GNAL: variants seen among roughly 807,000 people sequenced by gnomAD.
GNAL encodes the protein G protein subunit alpha L.
A neutral mutation model predicts 55.1 loss-of-function variants in GNAL; 18 were observed. The ratio of observed to expected loss-of-function variants is 0.33; its 90% CI spans 0.23 to 0.48. The LOEUF (loss-of-function observed/expected upper bound fraction) is 0.48. GNAL is among the 20% of genes least tolerant of loss of function. GNAL has a pLI of 0.99. For synonymous variants in GNAL, 253 were observed against 237.0 expected, an observed-to-expected ratio of 1.07 and a Z score of -0.62; for missense variants, 412 against 614.1, an observed-to-expected ratio of 0.67 and a Z score of 3.48.
At chr18:11,821,360 T>A (rs1360433660) in intron 4 of GNAL, among the ~76,000 whole-genome samples, 1 of 152,200 alleles carries the variant, frequency 6.6e-6, no homozygotes, top group Non-Finnish European at 1.5e-5. Flanking sequence ...GGCAGTGGAA[T>A]AAGATATTCT....
chr18:11,751,738 G>T lies in GNAL; in HGVS notation c.377-1115G>T. On this transcript the variant is annotated intron_variant, in intron 1 of 11. Coordinates refer to ENST00000334049, the MANE Select transcript of GNAL (RefSeq NM_182978.4). This position sits in a 1 kb window ranked among gnomAD's most constrained non-coding sequence, Gnocchi z 4.5. ...GCCCCAGCCGGCCGGGCTCCGTGGG[G>T]GGTCAGCTCCCTGACCCCTACAGCG... The T allele has an allele frequency of 1.2e-6, 1 of 843,464 alleles. No individual in the cohort carries two copies. Among genetic ancestry groups the T allele is most frequent in the Non-Finnish European group, 1.4e-6 (1 of 700,034 alleles). 52.2% of individuals were successfully genotyped at this position (843,464 alleles called of 1,614,324 possible). A position where few individuals can be genotyped will look rare whatever the true frequency, so the allele number is the denominator to read the frequency against.
intron 4 of GNAL, among the ~76,000 whole-genome samples, chr18:11,784,583 A>C (rs1188841257): frequency 3.9e-5 from 6 of 152,214 alleles, no homozygotes; most frequent in Non-Finnish European, 8.8e-5. Flanking sequence ...TGTTCTTTTC[A>C]TTTTATTTTC....
chr18:11,766,179 C>G (rs1293217916), intron 4 of GNAL, among the ~76,000 whole-genome samples: 1 of 152,154 alleles, frequency 6.6e-6, no homozygotes, highest in African/African-American at 2.4e-5. Context: ...TGAAGTTGTT[C>G]TTGAGGAAGG....
Position 11,842,224 on chromosome 18 carries a change from A to G in GNAL, c.722+17209A>G, listed in dbSNP as rs542646824. Among the ~76,000 whole-genome samples the G allele has an allele frequency of 1.2e-3, 180 of 151,810 alleles. 1 individual carries two copies. Among genetic ancestry groups the G allele is most frequent in the African/African-American group, 3.6e-3 (149 of 41,388 alleles). Reference sequence around the variant, plus strand: ...TCGAATTCCCGACCTCAGGTGATACACCTGCCTTGGCCTCCCAAATTGCTG... The same window carrying G: ...TCGAATTCCCGACCTCAGGTGATACGCCTGCCTTGGCCTCCCAAATTGCTG... On this transcript the variant is annotated intron_variant, in intron 5 of 11. Transcript: ENST00000334049.
intron 1 of GNAL, among the ~76,000 whole-genome samples, chr18:11,742,891 C>A (rs182240416): frequency 3.6e-3 from 546 of 152,312 alleles, no homozygotes; most frequent in Non-Finnish European, 6.4e-3. Context: ...CTGTGCTAGT[C>A]CTATTTGCTC....
At chr18:11,769,707 T>C (rs1038284914) in intron 4 of GNAL, among the ~76,000 whole-genome samples, 2 of 152,258 alleles carry the variant, frequency 1.3e-5, no homozygotes, top group Non-Finnish European at 2.9e-5. Flanking sequence ...CACGTAAGTT[T>C]ATGGCAAAAA....
Position 11,883,371 on chromosome 18 carries a change from T to C in GNAL, c.*2236T>C, listed in dbSNP as rs2036766004. 1 of 153,284 alleles carries C rather than the reference T, an allele frequency of 6.5e-6. No homozygotes were observed. The allele number at this position is 153,284 out of a possible 1,614,324, so 9.5% of individuals were successfully genotyped here. On this transcript the variant is annotated 3_prime_UTR_variant, in exon 12 of 12. Transcript: ENST00000334049. ...CAAGAAAGGGAAGTATGCTGTTGTATGCATCATTACTCAACAATTACCCTC... is the reference window on the plus strand; with the variant it reads ...CAAGAAAGGGAAGTATGCTGTTGTACGCATCATTACTCAACAATTACCCTC...
chr18:11,723,966 C>G (rs1403711878), intron 1 of GNAL, among the ~76,000 whole-genome samples: 2 of 152,170 alleles, frequency 1.3e-5, no homozygotes, highest in Admixed American at 1.3e-4. Flanking sequence ...GAAAGGGGGT[C>G]GTACCCTCTA....
intron 4 of GNAL, among the ~76,000 whole-genome samples, chr18:11,803,294 C>A (rs1040407025): frequency 1.3e-5 from 2 of 152,202 alleles, no homozygotes; most frequent in African/African-American, 4.8e-5. Context: ...ATGATTTTGA[C>A]TTATGTAAGT....
chr18:11,869,528 G>A (rs540252625), intron 9 of GNAL, among the ~76,000 whole-genome samples: 1 of 152,190 alleles, frequency 6.6e-6, no homozygotes, highest in South Asian at 2.1e-4. Flanking sequence ...GATTATATTC[G>A]GCCTTCCATA....
chr18:11,765,700 A>G (rs2033383877), intron 4 of GNAL, among the ~76,000 whole-genome samples: 1 of 152,196 alleles, frequency 6.6e-6, no homozygotes, highest in African/African-American at 2.4e-5. Context: ...CCCCTAACAC[A>G]ATGTTCGTTC....
chr18:11,751,011 T>C lies in GNAL; in HGVS notation c.377-1842T>C, dbSNP rs1023123212. On this transcript the variant is annotated intron_variant, in intron 1 of 11. Coordinates refer to ENST00000334049, the MANE Select transcript of GNAL (RefSeq NM_182978.4). This position sits in a 1 kb window ranked among gnomAD's most constrained non-coding sequence, Gnocchi z 4.5. ...TGGGGAGCCGGGGCGGGCTGGGGTC[T>C]GTTCTCCTGAAGAAGGCCAGCTCCG... 6.6e-6 allele frequency among the ~76,000 whole-genome samples: 1 copy of C among 152,050 alleles called. No individual in the cohort carries two copies. The highest frequency in any genetic ancestry group is 1.5e-5 in the Non-Finnish European group (1 of 68,016).
chr18:11,761,018 C>G (rs979730926), intron 4 of GNAL, among the ~76,000 whole-genome samples: 5 of 152,192 alleles, frequency 3.3e-5, no homozygotes, highest in Non-Finnish European at 7.3e-5. Context: ...AGCAATCCTG[C>G]TCTGCTGGAG....
In GNAL at chr18:11,884,124, T is replaced by C; in HGVS notation, c.*2989T>C. 3.9e-6 allele frequency: 1 copy of C among 253,294 alleles called. No homozygotes were observed. Among genetic ancestry groups the C allele is most frequent in the East Asian group, 8.7e-5 (1 of 11,514 alleles). 15.7% of individuals were successfully genotyped at this position (253,294 alleles called of 1,614,324 possible). ...AGTGTGTGCTGGGGCCACCAGGCCC[T>C]TCCTGGGGGAACAAGGACTGTCGTG... On this transcript the variant is annotated 3_prime_UTR_variant, in exon 12 of 12. Transcript: ENST00000334049.
intron 1 of GNAL, chr18:11,746,945 T>A: frequency 1.9e-6 from 1 of 532,582 alleles, no homozygotes; most frequent in South Asian, 1.4e-5. Flanking sequence ...AGTTTGCACT[T>A]CAGTAGGTGA....
intron 4 of GNAL, among the ~76,000 whole-genome samples, chr18:11,779,583 C>G (rs564460857): frequency 6.6e-6 from 1 of 152,282 alleles, no homozygotes; most frequent in South Asian, 2.1e-4. Context: ...CTTGACCATC[C>G]TACAAACAAT....
intron 4 of GNAL, among the ~76,000 whole-genome samples, chr18:11,766,227 G>A (rs2033401677): frequency 6.6e-6 from 1 of 152,140 alleles, no homozygotes; most frequent in Non-Finnish European, 1.5e-5. Flanking sequence ...TTTTAGTTTT[G>A]CATGAGAATG....
intron 1 of GNAL, among the ~76,000 whole-genome samples, chr18:11,707,501 A>G (rs1473294707): frequency 1.3e-5 from 2 of 152,214 alleles, no homozygotes; most frequent in Non-Finnish European, 2.9e-5. Context: ...ATGTACTGTC[A>G]TCCAGGCTCT....
intron 4 of GNAL, among the ~76,000 whole-genome samples, chr18:11,763,729 GA>G (rs1215305936): frequency 6.6e-6 from 1 of 152,152 alleles, no homozygotes; most frequent in African/African-American, 2.4e-5. Flanking sequence ...ATAATTTAAT[GA>G]AATAATAGCA....
Sources: gnomAD v4.1 joint callset for allele counts (sites outside exome capture counted in the v4.1 genomes callset) on GRCh38, gnomAD v4.1.1 for gene constraint, Gnocchi (gnomAD v3.1) non-coding constraint, MANE v1.5 for transcripts, NCBI Gene and HGNC (gene_info 2026-07-23, HGNC 2026-07-21) for gene names.